The following CNST variants were observed in gnomAD, a reference collection of about 807,000 sequenced individuals.
CNST encodes the protein consortin, connexin sorting protein, also known as consortin.
A neutral mutation model predicts 72.4 loss-of-function variants in CNST; 39 were observed. The ratio of observed to expected loss-of-function variants is 0.54; its 90% CI spans 0.42 to 0.70. CNST has a LOEUF of 0.70. CNST is among the 30% of genes least tolerant of loss of function. The pLI, the probability that CNST is intolerant of heterozygous loss-of-function variation, is 0.00. For missense variants in CNST, 871 were observed against 868.5 expected, an observed-to-expected ratio of 1.00 and a Z score of -0.04; for synonymous variants, 332 against 320.1, an observed-to-expected ratio of 1.04 and a Z score of -0.40.
Position 246,639,195 on chromosome 1 carries a change from TAGAG to T in CNST, c.819-2550_819-2547del, listed in dbSNP as rs759492614. ...TGCAACTCCACGCCGTTCGTCGGGA[TAGAG>T]AGAAAGGTTTGGTGAGGTCTGGGAG... On this transcript the variant is annotated intron_variant, in intron 6 of 10. Transcript: ENST00000366513. Among the ~76,000 whole-genome samples the T allele has an allele frequency of 4.0e-5, 6 of 151,750 alleles. No homozygotes were observed. In the South Asian group the frequency reaches 1.3e-3, roughly 32 times the overall value.
intron 6 of CNST, among the ~76,000 whole-genome samples, chr1:246,634,899 G>A (rs1229947340): frequency 2.0e-5 from 3 of 152,008 alleles, no homozygotes; most frequent in South Asian, 4.2e-4. Flanking sequence ...AAGTGTCCCT[G>A]TCTGATGTAA....
At chr1:246,652,828 C>T (rs1304057723) in intron 9 of CNST, among the ~76,000 whole-genome samples, 9 of 150,442 alleles carry the variant, frequency 6.0e-5, no homozygotes, top group East Asian at 1.9e-4. Flanking sequence ...CACGGTGAAA[C>T]CCCGTCTCTA....
At chr1:246,599,364 G>A (rs887364077) in intron 2 of CNST, among the ~76,000 whole-genome samples, 5 of 152,208 alleles carry the variant, frequency 3.3e-5, no homozygotes, top group African/African-American at 7.2e-5. Flanking sequence ...TAGCAGGGCT[G>A]TGTCCCTTTC....
chr1:246,618,088 A>G (rs193173511), intron 2 of CNST, among the ~76,000 whole-genome samples: 265 of 152,366 alleles, frequency 1.7e-3, no homozygotes, highest in Middle Eastern at 0.01. Flanking sequence ...GAAAGGAACT[A>G]GAAGATACTT....
At chr1:246,621,311 T>C in intron 2 of CNST, 118 bp from the exon 3 acceptor site, 1 of 735,382 alleles carries the variant, frequency 1.4e-6, no homozygotes, top group Non-Finnish European at 2.4e-6. Context: ...TTTACCTTCC[T>C]GTTCAGGTCT....
At chr1:246,612,310 T>C (rs1157140167) in intron 2 of CNST, among the ~76,000 whole-genome samples, 1 of 152,208 alleles carries the variant, frequency 6.6e-6, no homozygotes, top group Non-Finnish European at 1.5e-5. Flanking sequence ...CAAGTGACTC[T>C]TCTGCCTCAG....
chr1:246,573,948 A>G (rs921386645), intron 1 of CNST, among the ~76,000 whole-genome samples: 3 of 152,238 alleles, frequency 2.0e-5, no homozygotes, highest in African/African-American at 7.2e-5. Flanking sequence ...AGGTCAGAAT[A>G]GGCATATTTT....
At chr1:246,656,171 A>G (rs1330959620) in intron 9 of CNST, among the ~76,000 whole-genome samples, 2 of 152,238 alleles carry the variant, frequency 1.3e-5, no homozygotes, top group African/African-American at 4.8e-5. Flanking sequence ...AACCTATATC[A>G]TTAAAAGAAT....
Position 246,591,567 on chromosome 1 carries a change from A to G in CNST, c.5A>G (p.Asp2Gly), listed in dbSNP as rs1180434988. The G allele has an allele frequency of 2.5e-6, 4 of 1,614,070 alleles. No individual in the cohort carries two copies. The highest frequency in any genetic ancestry group is 2.2e-5 in the East Asian group (1 of 44,888). The part of the protein sequence containing the change: M[D>G]DSDTPTYYLQ... Reference sequence around the variant, plus strand: ...GGTTCACCAAAGGATGCTCTAATGGATGACAGCGATACTCCTACATATTAT... The same window carrying G: ...GGTTCACCAAAGGATGCTCTAATGGGTGACAGCGATACTCCTACATATTAT... The change falls in exon 2 of 11, where the codon GAT becomes GGT. Residue 2 changes from aspartate to glycine, a missense_variant. Asp to Gly is a moderately conservative substitution (Grantham distance 94). Transcript: ENST00000366513.
chr1:246,635,421 A>C lies in CNST; in HGVS notation c.818+834A>C, dbSNP rs965259307. Among the ~76,000 whole-genome samples the C allele has an allele frequency of 4.2e-4, 64 of 151,944 alleles. No individual in the cohort carries two copies. The Middle Eastern group carries it at 0.017, about 40-fold the overall frequency. On this transcript the variant is annotated intron_variant, in intron 6 of 10. Transcript: ENST00000366513. ...CCCTACCAGCGTTTTAAATCCCCCT[A>C]AATTAGAGAACCACCCTCCTAGAAG... is the stretch of plus-strand genomic sequence containing the variant.
At chr1:246,644,945 C>A (rs539022345) in intron 8 of CNST, among the ~76,000 whole-genome samples, 1 of 152,284 alleles carries the variant, frequency 6.6e-6, no homozygotes, top group South Asian at 2.1e-4. Flanking sequence ...AAGCAGGCAA[C>A]CAAAGGGAAG....
chr1:246,634,653 A>G, intron 6 of CNST, 66 bp downstream of exon 6: 1 of 807,620 alleles, frequency 1.2e-6, no homozygotes, highest in South Asian at 1.6e-5. Context: ...TATAGCATTG[A>G]GTATCCATTT....
chr1:246,650,068 G>A (rs938184477), intron 9 of CNST, among the ~76,000 whole-genome samples: 1 of 151,712 alleles, frequency 6.6e-6, no homozygotes, highest in Admixed American at 6.6e-5. Flanking sequence ...ATTTAAAATT[G>A]TTCTCAACTG....
intron 9 of CNST, among the ~76,000 whole-genome samples, chr1:246,653,041 A>C (rs114131922): frequency 6.6e-6 from 1 of 151,786 alleles, no homozygotes. Flanking sequence ...TCTAGGAGAG[A>C]GCAACTCATG....
At chr1:246,662,718 C>A (rs1313359252) in intron 10 of CNST, among the ~76,000 whole-genome samples, 1 of 152,094 alleles carries the variant, frequency 6.6e-6, no homozygotes, top group Non-Finnish European at 1.5e-5. Context: ...TTTTATTTAA[C>A]CCAGTACATA....
chr1:246,593,534 A>G (rs1244108049), intron 2 of CNST, among the ~76,000 whole-genome samples: 1 of 151,958 alleles, frequency 6.6e-6, no homozygotes, highest in Admixed American at 6.6e-5. Flanking sequence ...AATAGAGACA[A>G]GGTTTCACCA....
chr1:246,591,296 T>A (rs1661529877), intron 1 of CNST, among the ~76,000 whole-genome samples: 1 of 152,156 alleles, frequency 6.6e-6, no homozygotes, highest in Non-Finnish European at 1.5e-5. Context: ...TCTCAGGTGA[T>A]CATCATGAGG....
At chr1:246,640,548 T>C (rs193029911) in intron 6 of CNST, among the ~76,000 whole-genome samples, 22 of 152,346 alleles carry the variant, frequency 1.4e-4, no homozygotes, top group Admixed American at 1.4e-3. Flanking sequence ...CAATAGTGTT[T>C]AAACTAGTGC....
chr1:246,644,255 G>C (rs1445671474), intron 8 of CNST, among the ~76,000 whole-genome samples: 1 of 152,122 alleles, frequency 6.6e-6, no homozygotes, highest in Admixed American at 6.5e-5. Context: ...CGGGCGTGGT[G>C]GCGGGCGCCT....
Sources: gnomAD v4.1 joint callset for allele counts (sites outside exome capture counted in the v4.1 genomes callset) on GRCh38, gnomAD v4.1.1 for gene constraint, MANE v1.5 for transcripts, NCBI Gene and HGNC (gene_info 2026-07-23, HGNC 2026-07-21) for gene names.